FOXN3: variants seen among roughly 807,000 people sequenced by gnomAD.
FOXN3 encodes forkhead box protein N3.
A neutral mutation model predicts 38.4 loss-of-function variants in FOXN3; 7 were observed. That is an observed-to-expected ratio of 0.18 (90% CI 0.10 to 0.34). FOXN3 has a LOEUF of 0.34. FOXN3 is among the 10% of genes least tolerant of loss of function. The probability of loss-of-function intolerance (pLI) is 1.00; values close to 1 mark genes in which losing one functional copy is unlikely to be tolerated. For missense variants in FOXN3, 456 were observed against 613.4 expected, an observed-to-expected ratio of 0.74 and a Z score of 2.71; for synonymous variants, 230 against 242.2, an observed-to-expected ratio of 0.95 and a Z score of 0.47.
intron 5 of FOXN3, among the ~76,000 whole-genome samples, chr14:89,177,613 G>A (rs1322379547): frequency 6.6e-6 from 1 of 152,118 alleles, no homozygotes; most frequent in Non-Finnish European, 1.5e-5. Flanking sequence ...GCCACCAGGG[G>A]GTGCCATAGA....
chr14:89,540,481 T>C (rs150652789), intron 1 of FOXN3, among the ~76,000 whole-genome samples: 287 of 152,256 alleles, frequency 1.9e-3, no homozygotes, highest in African/African-American at 6.3e-3. Context: ...ACGCCTGTAA[T>C]CCCAGCACTC....
chr14:89,387,524 T>C (rs1649616660), intron 2 of FOXN3, among the ~76,000 whole-genome samples: 1 of 152,212 alleles, frequency 6.6e-6, no homozygotes, highest in Admixed American at 6.5e-5. Context: ...AAAACAAAGA[T>C]TCAGCCCTAG....
chr14:89,525,799 A>ATT (rs1379290841), intron 1 of FOXN3, among the ~76,000 whole-genome samples: 1 of 152,160 alleles, frequency 6.6e-6, no homozygotes, highest in East Asian at 1.9e-4. Context: ...TCAATACCAA[A>ATT]ACCAGACAAA....
intron 1 of FOXN3, among the ~76,000 whole-genome samples, chr14:89,553,624 T>C (rs1895055411): frequency 6.6e-6 from 1 of 152,092 alleles, no homozygotes. Context: ...GTAATTACCC[T>C]GGAGATGAAT....
chr14:89,490,378 A>G (rs1475712437), intron 1 of FOXN3, among the ~76,000 whole-genome samples: 1 of 152,234 alleles, frequency 6.6e-6, no homozygotes, highest in Non-Finnish European at 1.5e-5. Flanking sequence ...CATGTCAGAC[A>G]TGGGCAGAAA....
At chr14:89,262,306 C>T (rs927209935) in intron 4 of FOXN3, among the ~76,000 whole-genome samples, 2 of 152,204 alleles carry the variant, frequency 1.3e-5, no homozygotes, top group Non-Finnish European at 2.9e-5. Flanking sequence ...GAAACCTCCT[C>T]GTTCTAAAAT....
At chr14:89,321,841 C>G (rs903578184) in intron 3 of FOXN3, among the ~76,000 whole-genome samples, 25 of 151,654 alleles carry the variant, frequency 1.6e-4, no homozygotes, top group African/African-American at 4.6e-4. Context: ...ACAAACACAA[C>G]TACAGATCAA....
upstream of FOXN3, among the ~76,000 whole-genome samples, chr14:89,420,283 ACT>A (rs1891868844): frequency 6.6e-6 from 1 of 152,020 alleles, no homozygotes; most frequent in Non-Finnish European, 1.5e-5. Context: ...GAGTCACATG[ACT>A]CCCCTACGCG....
At position 89,484,307 on chromosome 14, in the gene FOXN3, T is replaced by C. The variant is rs1555356408; in HGVS notation, c.-14-71817A>G. On this transcript the variant is annotated intron_variant, in intron 1 of 6. Transcript: ENST00000345097. This position sits in a 1 kb window ranked among gnomAD's most constrained non-coding sequence, Gnocchi z 4.0. ...GCCAGGAGTTGGTAAGCTTTTCCCA[T>C]AAAAGACCATAGGGTAAATATTTCA... Among the ~76,000 whole-genome samples the C allele has an allele frequency of 1.3e-5, 2 of 152,214 alleles. No homozygotes were observed. Among genetic ancestry groups the C allele is most frequent in the Non-Finnish European group, 2.9e-5 (2 of 68,036 alleles).
In FOXN3 at chr14:89,360,735, TCCAGCACCACCTCCACC is replaced by T. The variant is rs1566966353; in HGVS notation, c.544-9944_544-9928del. ...CAGCACTACCTCCACCACCACCACCTCCAGCACCACCTCCACCACCACCTCCACCACTACCACCTCCA... is the reference window on the plus strand; with the variant it reads ...CAGCACTACCTCCACCACCACCACCTACCACCTCCACCACTACCACCTCCA... On this transcript the variant is annotated intron_variant, in intron 2 of 5. Transcript: ENST00000557258. 5.1e-4 allele frequency among the ~76,000 whole-genome samples: 54 copies of T among 104,904 alleles called. 2 individuals are homozygous for T. Among genetic ancestry groups the T allele is most frequent in the African/African-American group, 2.1e-3 (51 of 24,708 alleles). 68.8% of individuals were successfully genotyped at this position (104,904 alleles called of 152,430 possible).
intron 1 of FOXN3, among the ~76,000 whole-genome samples, chr14:89,494,869 A>G (rs1406289162): frequency 1.3e-5 from 2 of 152,252 alleles, no homozygotes; most frequent in African/African-American, 4.8e-5. Flanking sequence ...AGGCAATGAC[A>G]TGGAAATCTG....
intron 1 of FOXN3, among the ~76,000 whole-genome samples, chr14:89,607,974 A>T (rs1204707625): frequency 2.7e-5 from 3 of 110,396 alleles, no homozygotes; most frequent in Non-Finnish European, 5.9e-5. Context: ...GCGCCACAAC[A>T]CCCAGCTAAT....
At chr14:89,492,295 G>A (rs1464447699) in intron 1 of FOXN3, among the ~76,000 whole-genome samples, 1 of 152,166 alleles carries the variant, frequency 6.6e-6, no homozygotes, top group East Asian at 1.9e-4. Context: ...CAGGATACAT[G>A]GGGCACACAC....
intron 1 of FOXN3, among the ~76,000 whole-genome samples, chr14:89,497,161 G>A (rs890826050): frequency 4.6e-5 from 7 of 151,814 alleles, no homozygotes; most frequent in Non-Finnish European, 1.0e-4. Flanking sequence ...TCGCCATGTC[G>A]GCCAGGCTGG....
At chr14:89,514,128 C>G (rs1403120834) in intron 1 of FOXN3, among the ~76,000 whole-genome samples, 1 of 152,060 alleles carries the variant, frequency 6.6e-6, no homozygotes, top group Non-Finnish European at 1.5e-5. Context: ...CAAGCCAGAG[C>G]AAAGGAGATA....
At chr14:89,318,596 T>TA (rs1306431149) in intron 3 of FOXN3, among the ~76,000 whole-genome samples, 1 of 152,262 alleles carries the variant, frequency 6.6e-6, no homozygotes, top group African/African-American at 2.4e-5. Flanking sequence ...GGCTAACCGT[T>TA]ATCAAGCACC....
In FOXN3 at chr14:89,164,468, A is replaced by G. The variant is rs1020139871; in HGVS notation, c.852-1499T>C. Among the ~76,000 whole-genome samples, 46 of 152,118 alleles carry G rather than the reference A, an allele frequency of 3.0e-4. No individual in the cohort carries two copies. The highest frequency in any genetic ancestry group is 1.1e-3 in the African/African-American group (46 of 41,410). Reference sequence around the variant, plus strand: ...TCCTGCCTAGATGACCCCAACTGTAAGTACTCTTACATCCCCTCCATAGAG... The same window carrying G: ...TCCTGCCTAGATGACCCCAACTGTAGGTACTCTTACATCCCCTCCATAGAG... On this transcript the variant is annotated intron_variant, in intron 5 of 5. Transcript: ENST00000557258. The surrounding 1 kb of genome is among the most constrained non-coding windows in gnomAD (Gnocchi z 4.3).
At chr14:89,558,161 G>A (rs1245277820) in intron 1 of FOXN3, among the ~76,000 whole-genome samples, 2 of 152,138 alleles carry the variant, frequency 1.3e-5, no homozygotes, top group East Asian at 3.8e-4. Flanking sequence ...TTACTGATGG[G>A]GCACTGAGGA....
intron 1 of FOXN3, among the ~76,000 whole-genome samples, chr14:89,490,522 TGAA>T (rs1345103764): frequency 9.8e-5 from 15 of 152,336 alleles, no homozygotes; most frequent in African/African-American, 2.9e-4. Flanking sequence ...TCTCTCGCTT[TGAA>T]GAAGTCACTT....
Sources: allele counts gnomAD v4.1 joint callset (sites outside exome capture counted in the v4.1 genomes callset), GRCh38; gene constraint gnomAD v4.1.1; non-coding constraint Gnocchi (gnomAD v3.1); transcripts MANE v1.5; gene names NCBI Gene and HGNC (gene_info 2026-07-23, HGNC 2026-07-21).